The following FAM135B variants were observed in gnomAD, a reference collection of about 807,000 sequenced individuals.
FAM135B encodes protein FAM135B.
Under a neutral mutation model 127.7 loss-of-function variants are expected in FAM135B, and 43 were observed. That is an observed-to-expected ratio of 0.34 (90% CI 0.26 to 0.43). FAM135B has a LOEUF of 0.43. FAM135B is among the 20% of genes least tolerant of loss of function. FAM135B has a pLI of 1.00. For synonymous variants in FAM135B, 670 were observed against 665.1 expected, an observed-to-expected ratio of 1.01 and a Z score of -0.11; for missense variants, 1,558 against 1,725.6, an observed-to-expected ratio of 0.90 and a Z score of 1.72.
At chr8:138,251,049 G>A (rs1377578790) in intron 5 of FAM135B, 35 bp from the exon 6 acceptor site, 4 of 1,610,516 alleles carry the variant, frequency 2.5e-6, no homozygotes. Context: ...CGTGAGAAAT[G>A]GTGGGTTGCC....
At chr8:138,361,890 G>C (rs146395217) in intron 2 of FAM135B, among the ~76,000 whole-genome samples, 26 of 152,128 alleles carry the variant, frequency 1.7e-4, no homozygotes, top group African/African-American at 6.0e-4. Context: ...CTCCTTCTCT[G>C]TTTCTTCATA....
At chr8:138,382,271 T>C (rs1393204305) in intron 1 of FAM135B, among the ~76,000 whole-genome samples, 1 of 152,042 alleles carries the variant, frequency 6.6e-6, no homozygotes, top group Non-Finnish European at 1.5e-5. Flanking sequence ...TAAACAATGG[T>C]TTCTAAAATT....
chr8:138,253,408 T>C (rs1373443871), intron 5 of FAM135B, among the ~76,000 whole-genome samples: 2 of 152,146 alleles, frequency 1.3e-5, no homozygotes, highest in African/African-American at 4.8e-5. Context: ...TCATGCTTTC[T>C]TGTGGTGGGA....
intron 11 of FAM135B, among the ~76,000 whole-genome samples, chr8:138,168,739 A>G (rs1219799788): frequency 6.6e-6 from 1 of 152,164 alleles, no homozygotes; most frequent in Non-Finnish European, 1.5e-5. Context: ...CCTTCTCATC[A>G]AGTTTCTACA....
intron 1 of FAM135B, among the ~76,000 whole-genome samples, chr8:138,477,817 T>A (rs544091234): frequency 2.9e-4 from 44 of 152,164 alleles, no homozygotes; most frequent in Admixed American, 7.9e-4. Flanking sequence ...GAAATAAACT[T>A]TGCTGCCATA....
At chr8:138,375,838 G>A (rs142213539) in intron 1 of FAM135B, among the ~76,000 whole-genome samples, 198 of 152,204 alleles carry the variant, frequency 1.3e-3, no homozygotes, top group Non-Finnish European at 1.6e-3. Flanking sequence ...ATTGTGACCT[G>A]CAGGTCTTTC....
At chr8:138,137,808 G>A (rs534118343) in intron 18 of FAM135B, among the ~76,000 whole-genome samples, 46 of 152,156 alleles carry the variant, frequency 3.0e-4, no homozygotes, top group African/African-American at 1.1e-3. Context: ...GCAGACAGAG[G>A]GACCCTTCAA....
At position 138,331,769 on chromosome 8, in the gene FAM135B, A is replaced by G. The variant is rs375251179; in HGVS notation, c.78-20849T>C. Among the ~76,000 whole-genome samples the G allele has an allele frequency of 5.3e-5, 8 of 152,326 alleles. No homozygotes were observed. The East Asian group carries it at 1.2e-3, about 22-fold the overall frequency. The stretch of plus-strand genomic sequence containing the variant: ...ACTTCTTTTATAACAGGCTAAATAA[A>G]GTTGGAGTAAAATAATCCAAATACA... On this transcript the variant is annotated intron_variant, in intron 2 of 19. Coordinates refer to ENST00000395297, the MANE Select transcript of FAM135B (RefSeq NM_015912.4).
At chr8:138,400,049 A>G (rs1356423540) in intron 1 of FAM135B, among the ~76,000 whole-genome samples, 1 of 152,148 alleles carries the variant, frequency 6.6e-6, no homozygotes, top group African/African-American at 2.4e-5. Flanking sequence ...TTGGCACTGT[A>G]TGAAGACTCA....
chr8:138,256,293 C>T (rs1405307141), intron 5 of FAM135B, among the ~76,000 whole-genome samples: 3 of 152,106 alleles, frequency 2.0e-5, no homozygotes, highest in African/African-American at 7.2e-5. Context: ...GCAGATATGT[C>T]GCACAAAGAT....
intron 11 of FAM135B, among the ~76,000 whole-genome samples, chr8:138,170,763 G>A (rs1820360772): frequency 6.6e-6 from 1 of 152,212 alleles, no homozygotes; most frequent in African/African-American, 2.4e-5. Context: ...CCTCAGGGGT[G>A]TCTGTGAGGG....
chr8:138,141,134 C>A lies in FAM135B; in HGVS notation c.3790+64G>T. On this transcript the variant is annotated intron_variant, in intron 17 of 19. Transcript: ENST00000395297. This position sits in a 1 kb window ranked among gnomAD's most constrained non-coding sequence, Gnocchi z 4.7. ...GGTTCCAAGTGGAAGTACCTGTGCC[C>A]GGTTTCACGCCCCAGAGGCCCCAGA... 6.5e-7 allele frequency: 1 copy of A among 1,534,550 alleles called. No homozygotes were observed. The highest frequency in any genetic ancestry group is 2.3e-5 in the East Asian group (1 of 44,238).
chr8:138,219,301 T>C (rs1818839571), intron 7 of FAM135B, among the ~76,000 whole-genome samples: 1 of 152,164 alleles, frequency 6.6e-6, no homozygotes, highest in Non-Finnish European at 1.5e-5. Flanking sequence ...AAAATGACAC[T>C]GATGGGGAGA....
chr8:138,346,453 G>T (rs543550912), intron 2 of FAM135B, among the ~76,000 whole-genome samples: 54 of 152,336 alleles, frequency 3.5e-4, no homozygotes, highest in African/African-American at 1.3e-3. Flanking sequence ...TAAAGAAAAT[G>T]TGTTACATAT....
intron 1 of FAM135B, among the ~76,000 whole-genome samples, chr8:138,428,274 A>T (rs1285863974): frequency 6.6e-6 from 1 of 152,174 alleles, no homozygotes; most frequent in Non-Finnish European, 1.5e-5. Flanking sequence ...TCTATCCTAC[A>T]CAATTAGGGC....
intron 3 of FAM135B, among the ~76,000 whole-genome samples, chr8:138,268,507 C>T (rs1823120288): frequency 6.6e-6 from 1 of 152,118 alleles, no homozygotes; most frequent in Non-Finnish European, 1.5e-5. Context: ...TCGCATAGAA[C>T]AGGTGTCTTT....
At chr8:138,395,587 C>A (rs1460396281) in intron 1 of FAM135B, among the ~76,000 whole-genome samples, 1 of 152,138 alleles carries the variant, frequency 6.6e-6, no homozygotes, top group Non-Finnish European at 1.5e-5. Context: ...CTTTCTAGGT[C>A]CCAAGTGGGT....
At chr8:138,345,558 T>TA (rs1829353530) in intron 2 of FAM135B, among the ~76,000 whole-genome samples, 1 of 122,164 alleles carries the variant, frequency 8.2e-6, no homozygotes, top group Admixed American at 8.7e-5. Flanking sequence ...GCCAGTGTGG[T>TA]ACCCCAACCC....
At chr8:138,424,773 A>C (rs1343740166) in intron 1 of FAM135B, among the ~76,000 whole-genome samples, 1 of 152,214 alleles carries the variant, frequency 6.6e-6, no homozygotes, top group Non-Finnish European at 1.5e-5. Context: ...TGTTGTCTCA[A>C]TAAATAAACT....
Sources: gnomAD v4.1 joint callset for allele counts (sites outside exome capture counted in the v4.1 genomes callset) on GRCh38, gnomAD v4.1.1 for gene constraint, Gnocchi (gnomAD v3.1) non-coding constraint, MANE v1.5 for transcripts, NCBI Gene and HGNC (gene_info 2026-07-23, HGNC 2026-07-21) for gene names.